The following ZNF69 variants were observed in gnomAD, a reference collection of about 807,000 sequenced individuals.
ZNF69 encodes the protein ZNF3.
A neutral mutation model predicts 50.9 loss-of-function variants in ZNF69; 47 were observed. The observed-to-expected ratio is 0.92, with a 90% CI of 0.73 to 1.18. ZNF69 has a LOEUF of 1.18. Among genes scored for constraint, ZNF69 ranks in the 50% most tolerant of loss-of-function variants. The pLI, the probability that ZNF69 is intolerant of heterozygous loss-of-function variation, is 0.00. For missense variants in ZNF69, 717 were observed against 675.1 expected (o/e 1.06, Z -0.69); for synonymous variants, 216 against 223.1 (o/e 0.97, Z 0.29).
chr19:11,926,418 G>A, the ZNF69 span, among the ~76,000 whole-genome samples: 1 of 152,110 alleles, frequency 6.6e-6, no homozygotes, highest in Non-Finnish European at 1.5e-5. Context: ...TTGAGACGGA[G>A]TCTCCTGTCG....
At chr19:11,965,427 C>T in the ZNF69 span, among the ~76,000 whole-genome samples, 9 of 152,230 alleles carry the variant, frequency 5.9e-5, no homozygotes, top group Non-Finnish European at 1.0e-4. Flanking sequence ...TGCGCGGTGA[C>T]TGCGGCCCCG....
chr19:11,899,050 C>T (rs752768940), intron 1 of ZNF69, among the ~76,000 whole-genome samples: 1 of 152,162 alleles, frequency 6.6e-6, no homozygotes, highest in African/African-American at 2.4e-5. Context: ...CAGTCTTATA[C>T]AGAAGCGTTT....
chr19:11,929,307 A>T, the ZNF69 span, among the ~76,000 whole-genome samples: 6 of 148,030 alleles, frequency 4.1e-5, no homozygotes, highest in East Asian at 1.2e-3. Context: ...GGGATTACAG[A>T]CATGTGCCAC....
chr19:11,917,102 C>T (rs903726527), downstream of ZNF69, among the ~76,000 whole-genome samples: 2 of 152,180 alleles, frequency 1.3e-5, no homozygotes, highest in Non-Finnish European at 2.9e-5. Context: ...GCCCCTGGGG[C>T]TTTGACTTGC....
At chr19:11,969,438 A>G in the ZNF69 span, among the ~76,000 whole-genome samples, 5 of 151,904 alleles carry the variant, frequency 3.3e-5, no homozygotes, top group Admixed American at 3.3e-4. Context: ...ATATAGGTAG[A>G]AAATTTCTAG....
chr19:11,962,960 G>A, the ZNF69 span, among the ~76,000 whole-genome samples: 1 of 152,124 alleles, frequency 6.6e-6, no homozygotes, highest in African/African-American at 2.4e-5. Context: ...TAAATCCTCA[G>A]TAGGCCAAGC....
chr19:11,952,400 T>A, the ZNF69 span, among the ~76,000 whole-genome samples: 256 of 152,358 alleles, frequency 1.7e-3, 3 homozygotes, highest in African/African-American at 5.8e-3. Context: ...TACAGTTGTG[T>A]AAATTGTCTG....
chr19:11,888,405 C>A (rs534493906), intron 1 of ZNF69, among the ~76,000 whole-genome samples: 1 of 152,320 alleles, frequency 6.6e-6, no homozygotes, highest in Admixed American at 6.5e-5. Context: ...ACAAAGAGTT[C>A]ATTTGAGCAA....
At chr19:11,965,029 G>A in the ZNF69 span, 10 of 668,052 alleles carry the variant, frequency 1.5e-5, no homozygotes, top group African/African-American at 1.5e-4. Flanking sequence ...GGCACAGAGT[G>A]GGTCGCATTC....
At chr19:11,948,078 C>A in the ZNF69 span, among the ~76,000 whole-genome samples, 1 of 152,080 alleles carries the variant, frequency 6.6e-6, no homozygotes, top group African/African-American at 2.4e-5. Context: ...TTAAGAAGCC[C>A]CTTATGAATA....
downstream of ZNF69, among the ~76,000 whole-genome samples, chr19:11,910,325 A>G (rs1465746286): frequency 6.6e-6 from 1 of 152,210 alleles, no homozygotes; most frequent in Non-Finnish European, 1.5e-5. Context: ...AAACTACTTT[A>G]AAGTTCATAT....
At chr19:11,917,861 C>T (rs1972535507), downstream of ZNF69, among the ~76,000 whole-genome samples, 1 of 149,512 alleles carries the variant, frequency 6.7e-6, no homozygotes, top group Non-Finnish European at 1.5e-5. Context: ...GATCTCGGCT[C>T]ACTGCAACCT....
At chr19:11,925,117 C>A in the ZNF69 span, 1 of 1,502,470 alleles carries the variant, frequency 6.7e-7, no homozygotes, top group Non-Finnish European at 9.1e-7. Context: ...CCTCACCTTC[C>A]TCGCTGCGCG....
At chr19:11,954,612 C>G in the ZNF69 span, among the ~76,000 whole-genome samples, 1 of 152,172 alleles carries the variant, frequency 6.6e-6, no homozygotes. Flanking sequence ...AGGAGGATCA[C>G]TTGAGCCCAG....
the ZNF69 span, among the ~76,000 whole-genome samples, chr19:11,970,845 C>T: frequency 9.1e-4 from 139 of 152,108 alleles, 10 homozygotes; most frequent in South Asian, 2.1e-4. Context: ...GCAGGAGAAT[C>T]GCTTGAACCT....
At chr19:11,919,992 A>G in the ZNF69 span, among the ~76,000 whole-genome samples, 4 of 152,146 alleles carry the variant, frequency 2.6e-5, no homozygotes, top group African/African-American at 7.2e-5. Flanking sequence ...AATGTCTCCA[A>G]ATCTTCTACT....
intron 1 of ZNF69, among the ~76,000 whole-genome samples, chr19:11,901,180 G>T (rs894061944): frequency 1.2e-4 from 18 of 152,104 alleles, no homozygotes; most frequent in Admixed American, 1.2e-3. Flanking sequence ...CTCTGGGTTT[G>T]CATTTTTAGT....
At chr19:11,951,310 C>T in the ZNF69 span, among the ~76,000 whole-genome samples, 1 of 130,322 alleles carries the variant, frequency 7.7e-6, no homozygotes, top group Non-Finnish European at 1.5e-5. Flanking sequence ...CTCACTGCCA[C>T]CTCCGCCTCC....
At chr19:11,977,425 A>T in the ZNF69 span, 3 of 1,613,970 alleles carry the variant, frequency 1.9e-6, no homozygotes, top group Non-Finnish European at 8.5e-7. Flanking sequence ...CCCAGGAGAA[A>T]CTTCAGGTAA....
Sources: allele counts gnomAD v4.1 joint callset (sites outside exome capture counted in the v4.1 genomes callset), GRCh38; gene constraint gnomAD v4.1.1; transcripts MANE v1.5; gene names NCBI Gene and HGNC (gene_info 2026-07-23, HGNC 2026-07-21).